PTCHD4: variants seen among roughly 807,000 people sequenced by gnomAD.
PTCHD4 encodes the protein patched domain containing 4.
In PTCHD4, 33 loss-of-function variants were observed where a neutral mutation model predicts 58.1. The observed-to-expected ratio is 0.57, with a 90% confidence interval of 0.43 to 0.76. The LOEUF is 0.76. Among genes scored for constraint, PTCHD4 ranks in the 30% least tolerant of loss-of-function variants. PTCHD4 has a pLI of 0.00. For missense variants in PTCHD4, 1,058 were observed against 1,027.1 expected, an observed-to-expected ratio of 1.03 and a Z score of -0.41; for synonymous variants, 478 against 409.6, an observed-to-expected ratio of 1.17 and a Z score of -2.02.
chr6:47,897,915 T>C (rs1764573366), intron 4 of PTCHD4, among the ~76,000 whole-genome samples: 2 of 151,594 alleles, frequency 1.3e-5, no homozygotes, highest in Non-Finnish European at 2.9e-5. Context: ...CTGTTATCAT[T>C]TCATCCTTTC....
At chr6:47,891,289 T>C (rs1326570631) in intron 4 of PTCHD4, among the ~76,000 whole-genome samples, 1 of 149,072 alleles carries the variant, frequency 6.7e-6, no homozygotes, top group African/African-American at 2.5e-5. Flanking sequence ...TGCTGTCAAG[T>C]AGGCCATGGT....
chr6:48,009,072 C>T lies in PTCHD4; in HGVS notation c.460G>A (p.Val154Met). The change falls in exon 4 of 5, where the codon GTG becomes ATG. Residue 154 changes from valine (V) to methionine (M), a missense_variant. Physicochemically the swap from Val to Met is conservative, Grantham distance 21. Transcript: ENST00000339488. ...TGATCTTTGCTGTTTGGCACTTCCA[C>T]TACCCCGCCCAGTTGGTGTCCAATA... Reference protein sequence around the residue: ...SFIGHQLGGVVEVPNSKDQRV... With the variant: ...SFIGHQLGGVMEVPNSKDQRV... The T allele has an allele frequency of 6.2e-7, 1 of 1,613,546 alleles. No homozygotes were observed.
chr6:48,036,848 T>G (rs942064308), intron 3 of PTCHD4, among the ~76,000 whole-genome samples: 12 of 152,172 alleles, frequency 7.9e-5, no homozygotes, highest in African/African-American at 2.9e-4. Flanking sequence ...AATTTTGCTG[T>G]GGCACCTCAC....
rs191076792 is a variant in PTCHD4 at position 48,056,575 on chromosome 6, A to T, written c.417+11655T>A. Among the ~76,000 whole-genome samples the T allele has an allele frequency of 9.9e-4, 151 of 152,342 alleles. 2 individuals carry two copies. The highest frequency in any genetic ancestry group is 3.1e-4 in the Non-Finnish European group (21 of 68,026). ...AGTGTACTTTCTTGGATATATTAAA[A>T]CAATAAATGTAACTCGGGTTTCTTA... On this transcript the variant is annotated intron_variant, in intron 3 of 4. Transcript: ENST00000339488.
chr6:47,909,029 T>C (rs1392527517), intron 4 of PTCHD4, among the ~76,000 whole-genome samples: 1 of 152,180 alleles, frequency 6.6e-6, no homozygotes, highest in Non-Finnish European at 1.5e-5. Context: ...TTGCCAGGTA[T>C]ACATTGGGCA....
chr6:48,050,322 A>T (rs557616165), intron 3 of PTCHD4, among the ~76,000 whole-genome samples: 2 of 151,982 alleles, frequency 1.3e-5, no homozygotes, highest in Non-Finnish European at 2.9e-5. Context: ...TCTAAGTGAG[A>T]ATGAATTTGA....
chr6:48,105,647 C>T (rs1765702243), intron 1 of PTCHD4, among the ~76,000 whole-genome samples: 1 of 152,084 alleles, frequency 6.6e-6, no homozygotes, highest in South Asian at 2.1e-4. Flanking sequence ...TTCAAAAAAT[C>T]AATGAATCCA....
At chr6:47,976,125 A>C (rs1252133229) in intron 4 of PTCHD4, among the ~76,000 whole-genome samples, 2 of 152,194 alleles carry the variant, frequency 1.3e-5, no homozygotes, top group Non-Finnish European at 2.9e-5. Flanking sequence ...CTGGAGCCCC[A>C]AAACCCTTGA....
In PTCHD4 at chr6:48,102,411, A is replaced by G. The variant is rs889266404; in HGVS notation, c.-970+8638T>C. On this transcript the variant is annotated intron_variant, in intron 1 of 4. Transcript: ENST00000339488. The stretch of plus-strand genomic sequence containing the variant: ...TCTAGTGTTCTCGAGTTTCAGCCAA[A>G]ACGTCCATTTTAACCTCATCCTATT... 2.0e-5 allele frequency among the ~76,000 whole-genome samples: 3 copies of G among 152,230 alleles called. No individual in the cohort carries two copies. In the South Asian group the frequency reaches 6.2e-4, roughly 32 times the overall value.
At position 47,879,257 on chromosome 6, in the gene PTCHD4, G is replaced by A. The variant is rs575703110; in HGVS notation, c.1578C>T (p.Tyr526=). 2.0e-5 allele frequency: 32 copies of A among 1,612,750 alleles called. No homozygotes were observed. In the South Asian group the frequency reaches 3.2e-4, roughly 16 times the overall value. ...IGFYVYEPLE[Y]WNSSVQDDLR... is the part of the protein sequence containing the mutation. ...GGTCATCCTGGACGCTGCTGTTCCA[G>A]TACTCTAGGGGCTCATAGACGTAGA... Residue 526 remains tyrosine, a synonymous_variant, in exon 5 of 5, where the codon TAC becomes TAT. Coordinates refer to ENST00000339488, the MANE Select transcript of PTCHD4 (RefSeq NM_001384253.1).
intron 4 of PTCHD4, among the ~76,000 whole-genome samples, chr6:47,934,990 A>G (rs1765949355): frequency 6.6e-6 from 1 of 152,238 alleles, no homozygotes; most frequent in Admixed American, 6.5e-5. Flanking sequence ...GTCTATGTTC[A>G]CATAACAAAA....
At chr6:48,071,987 G>A (rs917400235) in intron 1 of PTCHD4, among the ~76,000 whole-genome samples, 10 of 152,112 alleles carry the variant, frequency 6.6e-5, no homozygotes, top group African/African-American at 2.4e-4. Context: ...ACATAATATC[G>A]AGGGTGCATT....
chr6:47,983,639 T>C (rs552447849), intron 4 of PTCHD4, among the ~76,000 whole-genome samples: 2 of 152,276 alleles, frequency 1.3e-5, no homozygotes, highest in Non-Finnish European at 1.5e-5. Context: ...ATGCCTAACC[T>C]AAAGTTACCT....
At chr6:47,884,751 T>C (rs112997062) in intron 4 of PTCHD4, among the ~76,000 whole-genome samples, 144 of 152,300 alleles carry the variant, frequency 9.5e-4, no homozygotes, top group African/African-American at 3.3e-3. Flanking sequence ...AAGAGGAATT[T>C]TGTTCTTACT....
intron 3 of PTCHD4, among the ~76,000 whole-genome samples, chr6:48,022,131 G>C (rs2114113185): frequency 6.6e-6 from 1 of 151,798 alleles, no homozygotes; most frequent in African/African-American, 2.4e-5. Flanking sequence ...CCTACTATGT[G>C]AAAAATATTC....
In PTCHD4 at chr6:47,871,615, T is replaced by A. The variant is rs1763715268; in HGVS notation, c.*6688A>T. Among the ~76,000 whole-genome samples the A allele has an allele frequency of 6.6e-6, 1 of 151,684 alleles. No homozygotes were observed. Among genetic ancestry groups the A allele is most frequent in the African/African-American group, 2.4e-5 (1 of 41,374 alleles). ...ATATAGGAGTGCTCATTTTACATTT[T>A]GCCTTGTCTAATTTGATAAAGTGAA... On this transcript the variant is annotated 3_prime_UTR_variant, in exon 5 of 5. Coordinates refer to ENST00000339488, the MANE Select transcript of PTCHD4 (RefSeq NM_001384253.1).
intron 4 of PTCHD4, among the ~76,000 whole-genome samples, chr6:47,905,211 G>C (rs1764839365): frequency 6.6e-6 from 1 of 152,114 alleles, no homozygotes; most frequent in African/African-American, 2.4e-5. Context: ...TTTATTGTAA[G>C]TCAAAGTCAT....
chr6:47,890,100 G>A (rs548594505), intron 4 of PTCHD4, among the ~76,000 whole-genome samples: 9 of 151,504 alleles, frequency 5.9e-5, no homozygotes, highest in East Asian at 3.9e-4. Flanking sequence ...TATCACATAC[G>A]TATACACACA....
intron 4 of PTCHD4, among the ~76,000 whole-genome samples, chr6:47,912,077 T>A (rs1049024977): frequency 3.9e-5 from 6 of 152,044 alleles, no homozygotes; most frequent in African/African-American, 1.4e-4. Flanking sequence ...CTGGGGCTGA[T>A]AAAGAAGAGA....
Sources: allele counts gnomAD v4.1 joint callset (sites outside exome capture counted in the v4.1 genomes callset), GRCh38; gene constraint gnomAD v4.1.1; transcripts MANE v1.5; gene names NCBI Gene and HGNC (gene_info 2026-07-23, HGNC 2026-07-21).